The following LSAMP variants were observed in gnomAD, a reference collection of about 807,000 sequenced individuals.
The protein encoded by LSAMP is limbic system-associated membrane protein.
LSAMP carries 7 observed loss-of-function variants against 38.6 expected under a neutral mutation model. The ratio of observed to expected loss-of-function variants is 0.18; its 90% CI spans 0.10 to 0.34. LSAMP has a LOEUF of 0.34. Among genes scored for constraint, LSAMP ranks in the 10% least tolerant of loss-of-function variants. The probability of loss-of-function intolerance (pLI) is 1.00; values close to 1 mark genes in which losing one functional copy is unlikely to be tolerated. For synonymous variants in LSAMP, 154 were observed against 166.8 expected (o/e 0.92, Z 0.59); for missense variants, 313 against 420.0 (o/e 0.75, Z 2.23).
chr3:116,037,737 A>C (rs537048076), intron 2 of LSAMP, among the ~76,000 whole-genome samples: 1 of 152,216 alleles, frequency 6.6e-6, no homozygotes, highest in Admixed American at 6.6e-5. Context: ...ATGTCCCATG[A>C]CTATGTGGTT....
intron 1 of LSAMP, among the ~76,000 whole-genome samples, chr3:116,391,294 CG>C (rs1335937970): frequency 1.3e-5 from 2 of 152,022 alleles, no homozygotes; most frequent in African/African-American, 4.8e-5. Flanking sequence ...CCCTGTGCCC[CG>C]CCCCCCCCGT....
At chr3:115,909,605 C>T (rs1438196123) in intron 3 of LSAMP, among the ~76,000 whole-genome samples, 2 of 152,168 alleles carry the variant, frequency 1.3e-5, no homozygotes, top group East Asian at 3.8e-4. Context: ...TCTATTTCCT[C>T]TTTTTTCTTT....
intron 1 of LSAMP, among the ~76,000 whole-genome samples, chr3:116,301,167 C>T (rs2047403178): frequency 6.6e-6 from 1 of 151,888 alleles, no homozygotes; most frequent in South Asian, 2.1e-4. Flanking sequence ...GTAAATATGT[C>T]AATGGAAATG....
At chr3:115,994,811 C>A (rs1939770345) in intron 3 of LSAMP, among the ~76,000 whole-genome samples, 1 of 152,046 alleles carries the variant, frequency 6.6e-6, no homozygotes, top group Non-Finnish European at 1.5e-5. Context: ...TCAAGTTTAG[C>A]AGTTGTCTTT....
chr3:115,832,306 T>C lies in LSAMP; in HGVS notation c.919+9539A>G, dbSNP rs148220623. ...CCACTTTCAAAACACCTTAACAAAA[T>C]TAATTGCCTTAAAATTTTTAGGCCA... On this transcript the variant is annotated intron_variant, in intron 6 of 6. Transcript: ENST00000490035. Among the ~76,000 whole-genome samples the C allele has an allele frequency of 2.6e-5, 4 of 152,314 alleles. No homozygotes were observed. In the East Asian group the frequency reaches 7.7e-4, roughly 29 times the overall value.
rs143724693 is a variant in LSAMP, at chr3:116,184,202, G to A, written c.156-97646C>T. Reference sequence around the variant, plus strand: ...CTTATCATCATCGTTATAGCTAAATGTATCAAACTTTGCATGTATCAACTA... The same window carrying A: ...CTTATCATCATCGTTATAGCTAAATATATCAAACTTTGCATGTATCAACTA... On this transcript the variant is annotated intron_variant, in intron 1 of 6. Coordinates refer to ENST00000490035, the MANE Select transcript of LSAMP (RefSeq NM_002338.5). 2.1e-3 allele frequency among the ~76,000 whole-genome samples: 319 copies of A among 151,858 alleles called. 2 individuals are homozygous for A. Among genetic ancestry groups the A allele is most frequent in the South Asian group, 0.013 (61 of 4,820 alleles).
At chr3:116,298,998 T>G (rs531578177) in intron 1 of LSAMP, among the ~76,000 whole-genome samples, 1 of 152,248 alleles carries the variant, frequency 6.6e-6, no homozygotes, top group South Asian at 2.1e-4. Flanking sequence ...GAACCAAAAT[T>G]TTAAAAAAGA....
At chr3:116,039,590 C>A (rs1009474077) in intron 2 of LSAMP, among the ~76,000 whole-genome samples, 2 of 152,176 alleles carry the variant, frequency 1.3e-5, no homozygotes, top group African/African-American at 4.8e-5. Flanking sequence ...AGAGCTGTTG[C>A]TCCTTAGAAC....
At chr3:116,378,115 C>T (rs952625153) in intron 1 of LSAMP, among the ~76,000 whole-genome samples, 2 of 152,084 alleles carry the variant, frequency 1.3e-5, no homozygotes, top group African/African-American at 4.8e-5. Context: ...CTCTCCTTCA[C>T]ATTTTTCTCC....
At chr3:115,864,020 G>C (rs766559461) in intron 3 of LSAMP, among the ~76,000 whole-genome samples, 1 of 152,082 alleles carries the variant, frequency 6.6e-6, no homozygotes, top group Non-Finnish European at 1.5e-5. Context: ...GACTATCCAT[G>C]GGCATTGTGT....
At chr3:115,974,299 G>A (rs972227701) in intron 3 of LSAMP, among the ~76,000 whole-genome samples, 1 of 151,938 alleles carries the variant, frequency 6.6e-6, no homozygotes, top group African/African-American at 2.4e-5. Flanking sequence ...AGCTGAGACC[G>A]CACCACTGCA....
chr3:116,333,398 G>C (rs1055129870), intron 1 of LSAMP, among the ~76,000 whole-genome samples: 1 of 151,980 alleles, frequency 6.6e-6, no homozygotes, highest in Non-Finnish European at 1.5e-5. Context: ...AATTAGCAAG[G>C]TGTGGTGGTG....
chr3:116,357,014 C>T (rs1347774707), intron 1 of LSAMP, among the ~76,000 whole-genome samples: 5 of 152,046 alleles, frequency 3.3e-5, no homozygotes, highest in South Asian at 4.1e-4. Flanking sequence ...AGGATGGTCT[C>T]GATCTCCTGA....
intron 1 of LSAMP, among the ~76,000 whole-genome samples, chr3:116,427,896 G>C (rs2049225167): frequency 6.6e-6 from 1 of 152,170 alleles, no homozygotes; most frequent in South Asian, 2.1e-4. Flanking sequence ...AGGTAACTCA[G>C]AGCATTCTCT....
chr3:116,052,748 G>C (rs1438512767), intron 2 of LSAMP, among the ~76,000 whole-genome samples: 1 of 152,194 alleles, frequency 6.6e-6, no homozygotes, highest in African/African-American at 2.4e-5. Context: ...ATCCATTCTG[G>C]TAGCAAACAA....
intron 1 of LSAMP, among the ~76,000 whole-genome samples, chr3:116,177,757 A>G (rs1378974345): frequency 2.6e-5 from 4 of 152,192 alleles, no homozygotes; most frequent in African/African-American, 9.6e-5. Flanking sequence ...CGTCAAACTC[A>G]GGAAAAGTAG....
At chr3:116,397,155 A>C (rs2107820727) in intron 1 of LSAMP, among the ~76,000 whole-genome samples, 1 of 152,284 alleles carries the variant, frequency 6.6e-6, no homozygotes, top group African/African-American at 2.4e-5. Flanking sequence ...TAATAGGATA[A>C]GTGTTAAAGT....
intron 1 of LSAMP, among the ~76,000 whole-genome samples, chr3:116,252,411 A>G (rs2046695534): frequency 1.3e-5 from 2 of 152,210 alleles, no homozygotes; most frequent in Admixed American, 1.3e-4. Flanking sequence ...GCCAGTCATA[A>G]TAGAATTGGC....
intron 1 of LSAMP, among the ~76,000 whole-genome samples, chr3:116,316,564 A>G (rs1273139330): frequency 6.6e-6 from 1 of 152,056 alleles, no homozygotes; most frequent in Non-Finnish European, 1.5e-5. Context: ...CGAGGTCAGG[A>G]GTTCGAGACC....
Sources: allele counts gnomAD v4.1 joint callset (sites outside exome capture counted in the v4.1 genomes callset), GRCh38; gene constraint gnomAD v4.1.1; transcripts MANE v1.5; gene names NCBI Gene and HGNC (gene_info 2026-07-23, HGNC 2026-07-21).